PPP2R3B: variants seen among roughly 807,000 people sequenced by gnomAD.
PPP2R3B encodes protein phosphatase 2 regulatory subunit B''beta.
Under a neutral mutation model 72.9 loss-of-function variants are expected in PPP2R3B, and 68 were observed. The observed-to-expected ratio is 0.93, with a 90% CI of 0.77 to 1.14. The LOEUF is 1.14. Ranked by LOEUF, PPP2R3B falls within the 50% of genes most tolerant of loss-of-function variation. The probability of loss-of-function intolerance (pLI) is 0.00; values close to 1 mark genes in which losing one functional copy is unlikely to be tolerated. For missense variants in PPP2R3B, 1,018 were observed against 842.0 expected, an observed-to-expected ratio of 1.21 and a Z score of -2.59; for synonymous variants, 466 against 375.8, an observed-to-expected ratio of 1.24 and a Z score of -2.78.
At chrX:361,692 GC>G in intron 1 of PPP2R3B, 102 bp from the exon 2 acceptor site, 1 of 1,378,694 alleles carries the variant, frequency 7.3e-7, no homozygotes, top group Non-Finnish European at 1.0e-6. Flanking sequence ...CAGTGCTGAG[GC>G]CACCTGATCC....
intron 1 of PPP2R3B, chrX:362,168 T>C (rs892934540): frequency 1.8e-5 from 3 of 163,290 alleles, no homozygotes; most frequent in Admixed American, 1.7e-4. Flanking sequence ...CCTCACCCGG[T>C]GCACAGCCCA....
chrX:341,958 G>A (rs1271193484), intron 7 of PPP2R3B, 27 bp from the exon 8 acceptor site: 14 of 1,612,364 alleles, frequency 8.7e-6, no homozygotes, highest in Middle Eastern at 1.7e-4. Flanking sequence ...TTGATGGGCA[G>A]CCCGCACCGT....
chrX:356,208 T>C (rs918342111), intron 2 of PPP2R3B, among the ~76,000 whole-genome samples: 4 of 151,790 alleles, frequency 2.6e-5, no homozygotes, highest in Admixed American at 6.6e-5. Context: ...GGAAGCAGGG[T>C]TTTTTGTTTT....
At chrX:360,188 G>A (rs1247912573) in intron 2 of PPP2R3B, among the ~76,000 whole-genome samples, 1 of 152,140 alleles carries the variant, frequency 6.6e-6, no homozygotes, top group Non-Finnish European at 1.5e-5. Context: ...ATGCAAGGTT[G>A]GTTTAACATC....
Position 347,338 on chromosome X carries a change from T to C in PPP2R3B, c.615-2A>G, listed in dbSNP as rs773160269. ...TCGTCGTGGCAGTTCTGGAGGATTCTGGAAGGACAGGATGACTGGGCACCA... is the reference window on the plus strand; with the variant it reads ...TCGTCGTGGCAGTTCTGGAGGATTCCGGAAGGACAGGATGACTGGGCACCA... On this transcript the variant is annotated splice_acceptor_variant, in intron 3 of 12. Transcript: ENST00000390665. LOFTEE classifies it high-confidence loss of function. 6.2e-7 allele frequency: 1 copy of C among 1,613,624 alleles called. No individual in the cohort carries two copies. Among genetic ancestry groups the C allele is most frequent in the Non-Finnish European group, 8.5e-7 (1 of 1,179,656 alleles).
intron 2 of PPP2R3B, 68 bp from the exon 3 acceptor site, chrX:347,761 C>G (rs1297018275): frequency 5.0e-6 from 6 of 1,210,588 alleles, no homozygotes; most frequent in Non-Finnish European, 6.8e-6. Context: ...CTGCGTACCT[C>G]GCGCCTGACC....
intron 10 of PPP2R3B, among the ~76,000 whole-genome samples, chrX:339,103 C>T (rs1246497763): frequency 9.3e-5 from 14 of 151,238 alleles, no homozygotes; most frequent in Middle Eastern, 3.2e-3. Flanking sequence ...GATGCGGAGG[C>T]GACTAGGGGC....
Position 386,725 on chromosome X carries a change from C to T in PPP2R3B, c.-34G>A. 8.3e-7 allele frequency: 1 copy of T among 1,207,580 alleles called. No individual in the cohort carries two copies. Among genetic ancestry groups the T allele is most frequent in the Non-Finnish European group, 1.0e-6 (1 of 975,106 alleles). The allele number at this position is 1,207,580 out of a possible 1,614,324, so 74.8% of individuals were successfully genotyped here. On this transcript the variant is annotated 5_prime_UTR_variant, in exon 1 of 13. Coordinates refer to ENST00000390665, the MANE Select transcript of PPP2R3B (RefSeq NM_013239.5). ...CTGGGCCCGCGGCGCCCCCGGACGCCCGCGCCCCGCCCCGCCCCGGGGGCT... is the reference window on the plus strand; with the variant it reads ...CTGGGCCCGCGGCGCCCCCGGACGCTCGCGCCCCGCCCCGCCCCGGGGGCT...
In PPP2R3B at chrX:341,930, G is replaced by A. The variant is rs763767969; in HGVS notation, c.1038C>T (p.Ala346=). Residue 346 remains alanine (A), a splice_region_variant and synonymous_variant, in exon 8 of 13, where the codon GCC becomes GCT. Coordinates refer to ENST00000390665, the MANE Select transcript of PPP2R3B (RefSeq NM_013239.5). The part of the protein sequence containing the change: ...ADDLARHNDH[A]LSTKMIDRIF... ...TCCTGTCTATCATCTTGGTAGAAAG[G>A]GCTGGAAAGGAATGCGGTTGATGGG... 4.9e-5 allele frequency: 79 copies of A among 1,612,606 alleles called. 1 individual carries two copies. The South Asian group carries it at 5.2e-4, about 11-fold the overall frequency.
intron 2 of PPP2R3B, among the ~76,000 whole-genome samples, chrX:360,027 C>T (rs1177792114): frequency 6.6e-6 from 1 of 152,080 alleles, no homozygotes; most frequent in African/African-American, 2.4e-5. Context: ...TTCTTTCAGA[C>T]CCGTATTGCC....
chrX:338,508 G>C, intron 12 of PPP2R3B, 96 bp downstream of exon 12: 10 of 1,201,140 alleles, frequency 8.3e-6, no homozygotes, highest in Admixed American at 2.0e-5. Flanking sequence ...CGCATCCCCC[G>C]GCTGCACACA....
At chrX:353,874 C>CG (rs772056616) in intron 2 of PPP2R3B, among the ~76,000 whole-genome samples, 2,988 of 122,776 alleles carry the variant, frequency 0.024, 102 homozygotes, top group Middle Eastern at 0.046. Flanking sequence ...ACCCAAAGAC[C>CG]AGGGCTCACC....
chrX:359,609 A>C (rs960601511), intron 2 of PPP2R3B, among the ~76,000 whole-genome samples: 1 of 152,196 alleles, frequency 6.6e-6, no homozygotes, highest in African/African-American at 2.4e-5. Flanking sequence ...CATGGTTGTG[A>C]CTTATCTGGT....
chrX:352,941 C>T (rs1294313533), intron 2 of PPP2R3B, among the ~76,000 whole-genome samples: 1 of 151,186 alleles, frequency 6.6e-6, no homozygotes, highest in Non-Finnish European at 1.5e-5. Context: ...GGCTCGGAGC[C>T]CCCACCCAAG....
At position 334,046 on chromosome X, in the gene PPP2R3B, G is replaced by C. The variant is rs373775670; in HGVS notation, c.*321C>G. The C allele has an allele frequency of 2.2e-5, 6 of 271,362 alleles. No individual in the cohort carries two copies. The highest frequency in any genetic ancestry group is 2.7e-5 in the Non-Finnish European group (4 of 145,616). The allele number at this position is 271,362 out of a possible 1,614,324, so 16.8% of individuals were successfully genotyped here. On this transcript the variant is annotated 3_prime_UTR_variant, in exon 13 of 13. Transcript: ENST00000390665. ...AGGACTGAGGCGCCCGGGAGCCGCC[G>C]GTCACCGTTGTGCGCACACGGACCC... is the stretch of plus-strand genomic sequence containing the variant.
intron 1 of PPP2R3B, among the ~76,000 whole-genome samples, chrX:364,443 C>A (rs1337131758): frequency 3.5e-5 from 5 of 141,058 alleles, no homozygotes; most frequent in Middle Eastern, 3.9e-3. Flanking sequence ...CTGAGGGGGA[C>A]AGACTGTCTG....
intron 1 of PPP2R3B, among the ~76,000 whole-genome samples, chrX:379,340 T>TGTGTGTG (rs1290800226): frequency 8.8e-4 from 128 of 145,052 alleles, no homozygotes; most frequent in African/African-American, 3.4e-3. Flanking sequence ...TATGCACCTG[T>TGTGTGTG]TATGCACCTG....
chrX:345,470 G>A, intron 7 of PPP2R3B, 46 bp downstream of exon 7: 1 of 1,609,708 alleles, frequency 6.2e-7, no homozygotes, highest in East Asian at 2.2e-5. Flanking sequence ...AGAGAAGGGT[G>A]TGCTCGGTGT....
At chrX:362,830 A>G (rs1165030912) in intron 1 of PPP2R3B, among the ~76,000 whole-genome samples, 1 of 151,844 alleles carries the variant, frequency 6.6e-6, no homozygotes, top group Non-Finnish European at 1.5e-5. Flanking sequence ...CAAGGGTCCC[A>G]CAGACAGCAC....
Sources: gnomAD v4.1 joint callset for allele counts (sites outside exome capture counted in the v4.1 genomes callset) on GRCh38, gnomAD v4.1.1 for gene constraint, MANE v1.5 for transcripts, NCBI Gene and HGNC (gene_info 2026-07-23, HGNC 2026-07-21) for gene names.